NCOA6: variants seen among roughly 807,000 people sequenced by gnomAD.
The protein encoded by NCOA6 is nuclear receptor coactivator 6.
NCOA6 carries 49 observed loss-of-function variants against 171.4 expected under a neutral mutation model. That is an observed-to-expected ratio of 0.29 (90% CI 0.23 to 0.36). The LOEUF (loss-of-function observed/expected upper bound fraction) is 0.36. Ranked by LOEUF, NCOA6 falls within the 10% of genes least tolerant of loss-of-function variation. The pLI, the probability that NCOA6 is intolerant of heterozygous loss-of-function variation, is 1.00. For missense variants in NCOA6, 2,248 were observed against 2,554.5 expected, an observed-to-expected ratio of 0.88 and a Z score of 2.59; for synonymous variants, 910 against 927.5, an observed-to-expected ratio of 0.98 and a Z score of 0.34.
intron 1 of NCOA6, among the ~76,000 whole-genome samples, chr20:34,804,126 C>T (rs2078358435): frequency 6.6e-6 from 1 of 152,080 alleles, no homozygotes; most frequent in Admixed American, 6.6e-5. Context: ...CACCTGAGGT[C>T]GGGAGTTGGA....
At chr20:34,796,843 A>G (rs1285087762) in intron 1 of NCOA6, among the ~76,000 whole-genome samples, 1 of 151,816 alleles carries the variant, frequency 6.6e-6, no homozygotes, top group Non-Finnish European at 1.5e-5. Flanking sequence ...AAAAGGTTGG[A>G]AGAAAAAGAC....
At chr20:34,759,075 A>C in intron 5 of NCOA6, 142 bp from the exon 6 acceptor site, 1 of 889,170 alleles carries the variant, frequency 1.1e-6, no homozygotes, top group Non-Finnish European at 1.6e-6. Flanking sequence ...CAGTCTGCCA[A>C]GTGGCACAAT....
At position 34,743,310 on chromosome 20, in the gene NCOA6, T is replaced by C; in HGVS notation, c.2946A>G (p.Pro982=). 6.2e-7 allele frequency: 1 copy of C among 1,611,784 alleles called. No individual in the cohort carries two copies. The highest frequency in any genetic ancestry group is 8.5e-7 in the Non-Finnish European group (1 of 1,178,280). The part of the protein sequence containing the change: ...GYPSQPVEQR[P]LQQMPPQLMQ... The stretch of plus-strand genomic sequence containing the variant: ...TGAGTTGAGGAGGCATCTGCTGAAG[T>C]GGCCTCTGTTCAACTGGTTGAGAAG... Residue 982 remains proline, a synonymous_variant, in exon 11 of 15, where the codon CCA becomes CCG. Coordinates refer to ENST00000359003, the MANE Select transcript of NCOA6 (RefSeq NM_014071.5).
intron 1 of NCOA6, among the ~76,000 whole-genome samples, chr20:34,815,623 A>G (rs1568899340): frequency 6.6e-6 from 1 of 152,166 alleles, no homozygotes; most frequent in South Asian, 2.1e-4. Context: ...GAAGTGTGAC[A>G]TGACTATTAA....
At chr20:34,757,141 A>T in intron 7 of NCOA6, 79 bp downstream of exon 7, 1 of 1,407,958 alleles carries the variant, frequency 7.1e-7, no homozygotes, top group African/African-American at 1.4e-5. Context: ...CACTCCCTCC[A>T]TTAACTCTAA....
chr20:34,768,735 G>GATT lies in NCOA6; in HGVS notation c.392-150_392-149insAAT. On this transcript the variant is annotated intron_variant, in intron 4 of 14. Coordinates refer to ENST00000359003, the MANE Select transcript of NCOA6 (RefSeq NM_014071.5). ...GAAAAATGGTGGGTTCAATGTAGAT[G>GATT]GGTCTTTCTTCAACCCATCTAAGCA... The GATT allele has an allele frequency of 8.4e-6, 7 of 833,974 alleles. 1 individual carries two copies. The South Asian group carries it at 1.3e-4, about 15-fold the overall frequency. The allele number at this position is 833,974 out of a possible 1,614,324, so 51.7% of individuals were successfully genotyped here.
chr20:34,758,791 T>A lies in NCOA6; in HGVS notation c.643+14A>T. 6.2e-7 allele frequency: 1 copy of A among 1,611,514 alleles called. No individual in the cohort carries two copies. Among genetic ancestry groups the A allele is most frequent in the Non-Finnish European group, 8.5e-7 (1 of 1,179,298 alleles). On this transcript the variant is annotated intron_variant, in intron 6 of 14. Coordinates refer to ENST00000359003, the MANE Select transcript of NCOA6 (RefSeq NM_014071.5). ...GTTTCAGACTCTTCATCCTCAAAGATTGGAAGTCATTACCTGACTGAGAAG... is the reference window on the plus strand; with the variant it reads ...GTTTCAGACTCTTCATCCTCAAAGAATGGAAGTCATTACCTGACTGAGAAG...
chr20:34,818,435 AT>A (rs2078908599), intron 1 of NCOA6, among the ~76,000 whole-genome samples: 1 of 152,054 alleles, frequency 6.6e-6, no homozygotes, highest in Admixed American at 6.6e-5. Context: ...ACTACTATTA[AT>A]TTTTTTAAGT....
intron 1 of NCOA6, among the ~76,000 whole-genome samples, chr20:34,812,907 C>T (rs1459448299): frequency 6.6e-6 from 1 of 152,156 alleles, no homozygotes; most frequent in Non-Finnish European, 1.5e-5. Flanking sequence ...ATAATCCCAG[C>T]ACACTGGGAG....
intron 1 of NCOA6, among the ~76,000 whole-genome samples, chr20:34,794,634 A>G (rs1465177427): frequency 2.0e-5 from 3 of 152,078 alleles, no homozygotes; most frequent in Non-Finnish European, 4.4e-5. Flanking sequence ...TTTTTTGGGG[A>G]AAGGGGAGAA....
At chr20:34,763,539 A>G (rs1259831222) in intron 5 of NCOA6, among the ~76,000 whole-genome samples, 1 of 152,198 alleles carries the variant, frequency 6.6e-6, no homozygotes, top group Non-Finnish European at 1.5e-5. Flanking sequence ...TAAATTGTAT[A>G]AATTCAGAAT....
At chr20:34,759,855 A>G (rs1259672590) in intron 5 of NCOA6, among the ~76,000 whole-genome samples, 1 of 152,222 alleles carries the variant, frequency 6.6e-6, no homozygotes, top group African/African-American at 2.4e-5. Flanking sequence ...TTTACTAGAT[A>G]TTGGTAAACT....
chr20:34,782,048 A>C lies in NCOA6; in HGVS notation c.235+73T>G, dbSNP rs1601004328. 11 of 1,086,866 alleles carry C rather than the reference A, an allele frequency of 1.0e-5. No individual in the cohort carries two copies. The East Asian group carries it at 2.8e-4, about 28-fold the overall frequency. The allele number at this position is 1,086,866 out of a possible 1,614,324, so 67.3% of individuals were successfully genotyped here. Reference sequence around the variant, plus strand: ...CAATTTAACAAGCTTGTTTTGTAAAACTCAAGATAACCATGGAAGGGCAAA... The same window carrying C: ...CAATTTAACAAGCTTGTTTTGTAAACCTCAAGATAACCATGGAAGGGCAAA... On this transcript the variant is annotated intron_variant, in intron 3 of 14. Transcript: ENST00000359003.
chr20:34,715,479 C>A (rs1988427267), intron 14 of NCOA6, 114 bp from the exon 15 acceptor site: 1 of 770,130 alleles, frequency 1.3e-6, no homozygotes, highest in South Asian at 1.5e-5. Context: ...AACTCAGAAT[C>A]TGTCTAAGGG....
Position 34,747,568 on chromosome 20 carries a change from C to T in NCOA6, c.2793-640G>A, listed in dbSNP as rs75013537. On this transcript the variant is annotated intron_variant, in intron 9 of 14. Transcript: ENST00000359003. The stretch of plus-strand genomic sequence containing the variant: ...AATTGTAGCTACTAACACCCACATT[C>T]TCAAAGAACAAGACTGGTCACGGGC... Among the ~76,000 whole-genome samples, 1,399 of 152,316 alleles carry T rather than the reference C, an allele frequency of 9.2e-3. 28 individuals carry two copies. Among genetic ancestry groups the T allele is most frequent in the African/African-American group, 0.032 (1,329 of 41,566 alleles).
chr20:34,719,318 G>A (rs1177379861), intron 14 of NCOA6, among the ~76,000 whole-genome samples: 2 of 151,936 alleles, frequency 1.3e-5, no homozygotes, highest in East Asian at 1.9e-4. Flanking sequence ...TATCCGAGAC[G>A]TCTAAGTAAT....
At position 34,743,027 on chromosome 20, in the gene NCOA6, G is replaced by A; in HGVS notation, c.3229C>T (p.Pro1077Ser). 1 of 1,613,798 alleles carries A rather than the reference G, an allele frequency of 6.2e-7. No individual in the cohort carries two copies. ...GGTCCTTGCAGACTGACCATGACAG[G>A]CACACTGCCACTCTGTTGCATGGGC... The part of the protein sequence containing the change: ...RMPMQQSGSV[P>S]VMVSLQGPAS... Residue 1077 changes from proline (P) to serine (S), a missense_variant, in exon 11 of 15, where the codon CCT becomes TCT. Physicochemically the swap from Pro to Ser is moderately conservative, Grantham distance 74. Coordinates refer to ENST00000359003, the MANE Select transcript of NCOA6 (RefSeq NM_014071.5).
intron 1 of NCOA6, among the ~76,000 whole-genome samples, chr20:34,805,874 G>T (rs1440261817): frequency 6.6e-6 from 1 of 152,058 alleles, no homozygotes; most frequent in Non-Finnish European, 1.5e-5. Context: ...TTTTAGTAGA[G>T]ACAGGGTTTC....
chr20:34,725,899 A>C (rs1162944209), intron 14 of NCOA6, among the ~76,000 whole-genome samples: 1 of 152,196 alleles, frequency 6.6e-6, no homozygotes, highest in African/African-American at 2.4e-5. Flanking sequence ...CTGTACTAGA[A>C]ATAGAAATAC....
Sources: allele counts gnomAD v4.1 joint callset (sites outside exome capture counted in the v4.1 genomes callset), GRCh38; gene constraint gnomAD v4.1.1; transcripts MANE v1.5; gene names NCBI Gene and HGNC (gene_info 2026-07-23, HGNC 2026-07-21).